Variants in LRRC4C observed in about 807,000 individuals in gnomAD.
LRRC4C encodes leucine-rich repeat-containing protein 4C.
In LRRC4C, 5 loss-of-function variants were observed where a neutral mutation model predicts 33.6. That is an observed-to-expected ratio of 0.15 (90% CI 0.08 to 0.31). LRRC4C has a LOEUF of 0.31. Among genes scored for constraint, LRRC4C ranks in the 10% least tolerant of loss-of-function variants. The pLI is 1.00. For missense variants in LRRC4C, 560 were observed against 796.7 expected (o/e 0.70, Z 3.58); for synonymous variants, 329 against 302.0 (o/e 1.09, Z -0.93).
At chr11:41,421,235 A>G (rs1232731004) in intron 1 of LRRC4C, among the ~76,000 whole-genome samples, 1 of 152,030 alleles carries the variant, frequency 6.6e-6, no homozygotes, top group Admixed American at 6.6e-5. Flanking sequence ...TGACATCCAG[A>G]TAGAAAATCC....
At chr11:40,940,881 G>T (rs1958109553) in intron 1 of LRRC4C, among the ~76,000 whole-genome samples, 1 of 151,124 alleles carries the variant, frequency 6.6e-6, no homozygotes, top group Non-Finnish European at 1.5e-5. Context: ...CTGGGGAATG[G>T]GGATCATGGC....
intron 1 of LRRC4C, among the ~76,000 whole-genome samples, chr11:41,236,071 G>A (rs575940822): frequency 5.3e-5 from 8 of 152,072 alleles, no homozygotes; most frequent in South Asian, 2.1e-4. Flanking sequence ...AAGCTTCTGG[G>A]GAAGCACTTA....
chr11:40,741,457 C>G (rs1445258513), intron 2 of LRRC4C, among the ~76,000 whole-genome samples: 6 of 151,984 alleles, frequency 3.9e-5, no homozygotes, highest in Admixed American at 6.6e-5. Flanking sequence ...GACAACTACC[C>G]CATAATGCAA....
chr11:40,746,327 G>A (rs1026269266), intron 2 of LRRC4C, among the ~76,000 whole-genome samples: 1 of 152,128 alleles, frequency 6.6e-6, no homozygotes, highest in African/African-American at 2.4e-5. Flanking sequence ...TGTCATTTTA[G>A]AGCCCCATCC....
chr11:40,723,022 C>A (rs553294564), intron 2 of LRRC4C, among the ~76,000 whole-genome samples: 1 of 151,934 alleles, frequency 6.6e-6, no homozygotes, highest in African/African-American at 2.4e-5. Flanking sequence ...AAAGAATAGT[C>A]CTTCAAATCA....
intron 3 of LRRC4C, among the ~76,000 whole-genome samples, chr11:40,528,771 G>A (rs1956159140): frequency 6.6e-6 from 1 of 152,200 alleles, no homozygotes; most frequent in Admixed American, 6.5e-5. Context: ...TAAAGAAAAT[G>A]TGATATATAC....
chr11:40,597,185 G>T (rs558572104), intron 3 of LRRC4C, among the ~76,000 whole-genome samples: 2 of 152,114 alleles, frequency 1.3e-5, no homozygotes, highest in African/African-American at 4.8e-5. Context: ...AATAGCATTT[G>T]GTAACATGTC....
intron 2 of LRRC4C, among the ~76,000 whole-genome samples, chr11:40,799,766 G>A (rs911888649): frequency 1.1e-4 from 17 of 152,214 alleles, no homozygotes; most frequent in African/African-American, 3.9e-4. Context: ...ACTACATCTG[G>A]TCGTAGTATA....
chr11:41,117,687 A>C (rs759159870), intron 1 of LRRC4C, among the ~76,000 whole-genome samples: 2 of 152,158 alleles, frequency 1.3e-5, no homozygotes, highest in Non-Finnish European at 2.9e-5. Context: ...TGACATTATT[A>C]AATCAGTAAA....
chr11:40,143,216 G>A (rs571709134), intron 5 of LRRC4C, among the ~76,000 whole-genome samples: 69 of 152,066 alleles, frequency 4.5e-4, no homozygotes, highest in Non-Finnish European at 6.5e-4. Context: ...CTGGATAATT[G>A]GAGTATTCCA....
intron 2 of LRRC4C, among the ~76,000 whole-genome samples, chr11:40,829,734 A>G (rs1403514175): frequency 6.6e-6 from 1 of 151,976 alleles, no homozygotes; most frequent in African/African-American, 2.4e-5. Context: ...TCTCCATAAT[A>G]TTTTTTAAAA....
chr11:40,209,722 A>G (rs1392807632), intron 5 of LRRC4C, among the ~76,000 whole-genome samples: 2 of 152,128 alleles, frequency 1.3e-5, no homozygotes, highest in Non-Finnish European at 2.9e-5. Flanking sequence ...CCCATGTGTC[A>G]GGCACTTTGC....
chr11:41,373,841 A>G (rs1035887699), intron 1 of LRRC4C, among the ~76,000 whole-genome samples: 5 of 152,218 alleles, frequency 3.3e-5, no homozygotes, highest in Non-Finnish European at 7.4e-5. Flanking sequence ...AAGTATAAAC[A>G]TATTTGTACT....
chr11:41,441,229 G>A (rs1955608094), intron 1 of LRRC4C, among the ~76,000 whole-genome samples: 1 of 152,164 alleles, frequency 6.6e-6, no homozygotes, highest in African/African-American at 2.4e-5. Context: ...AATCCAGAAT[G>A]AGGAACTGAG....
intron 3 of LRRC4C, among the ~76,000 whole-genome samples, chr11:40,384,572 T>C (rs1048261988): frequency 3.3e-5 from 5 of 152,186 alleles, no homozygotes; most frequent in Admixed American, 6.5e-5. Context: ...TCGTTCTCAC[T>C]ATGCTATCAG....
intron 1 of LRRC4C, among the ~76,000 whole-genome samples, chr11:41,332,089 A>G (rs947008164): frequency 3.9e-5 from 6 of 152,184 alleles, no homozygotes; most frequent in African/African-American, 1.4e-4. Flanking sequence ...GTTCACTGCC[A>G]TAACCCCGGG....
intron 1 of LRRC4C, among the ~76,000 whole-genome samples, chr11:41,448,122 G>GTTTTTGTTTTTTTTTTTTTTTTTTTT (rs1955887838): frequency 2.1e-5 from 1 of 46,948 alleles, no homozygotes; most frequent in Non-Finnish European, 4.4e-5. Flanking sequence ...GCACACGTCT[G>GTTTTTGTTTTTTTTTTTTTTTTTTTT]TTTTTTTTTT....
chr11:40,734,419 G>A (rs994890218), intron 2 of LRRC4C, among the ~76,000 whole-genome samples: 1 of 151,946 alleles, frequency 6.6e-6, no homozygotes, highest in East Asian at 1.9e-4. Flanking sequence ...AACCAAACCC[G>A]ATCCAGAGAC....
intron 2 of LRRC4C, among the ~76,000 whole-genome samples, chr11:40,785,876 A>G (rs1950391157): frequency 6.6e-6 from 1 of 151,306 alleles, no homozygotes; most frequent in African/African-American, 2.5e-5. Flanking sequence ...TTGACTCAGC[A>G]TAGAGTAGAT....
Sources: gnomAD v4.1 joint callset for allele counts (sites outside exome capture counted in the v4.1 genomes callset) on GRCh38, gnomAD v4.1.1 for gene constraint, MANE v1.5 for transcripts, NCBI Gene and HGNC (gene_info 2026-07-23, HGNC 2026-07-21) for gene names.